ZRANB3: variants seen among roughly 807,000 people sequenced by gnomAD.
ZRANB3 encodes DNA annealing helicase and endonuclease ZRANB3.
ZRANB3 carries 125 observed loss-of-function variants against 133.8 expected under a neutral mutation model. The observed-to-expected ratio is 0.93, with a 90% CI of 0.81 to 1.08. ZRANB3 has a LOEUF of 1.08. Ranked by LOEUF, ZRANB3 falls within the 50% of genes least tolerant of loss-of-function variation. The pLI, the probability that ZRANB3 is intolerant of heterozygous loss-of-function variation, is 0.00. For missense variants in ZRANB3, 1,229 were observed against 1,275.5 expected (o/e 0.96, Z 0.56); for synonymous variants, 387 against 432.7 (o/e 0.89, Z 1.31).
chr2:135,265,020 A>G (rs1451426741), intron 12 of ZRANB3, among the ~76,000 whole-genome samples: 1 of 152,148 alleles, frequency 6.6e-6, no homozygotes, highest in African/African-American at 2.4e-5. Flanking sequence ...AAGTGCTGCA[A>G]TTACAGGTGT....
intron 8 of ZRANB3, among the ~76,000 whole-genome samples, chr2:135,280,274 T>TA (rs139327186): frequency 6.6e-6 from 1 of 152,152 alleles, no homozygotes; most frequent in Non-Finnish European, 1.5e-5. Flanking sequence ...ATATCTTATT[T>TA]AAAAAAATGC....
chr2:135,386,472 C>T (rs2104920050), intron 3 of ZRANB3, among the ~76,000 whole-genome samples: 1 of 152,272 alleles, frequency 6.6e-6, no homozygotes, highest in East Asian at 1.9e-4. Flanking sequence ...TACCATTTGA[C>T]CCAGTGATCC....
chr2:135,398,668 G>A (rs548789768), intron 2 of ZRANB3, among the ~76,000 whole-genome samples: 21 of 151,056 alleles, frequency 1.4e-4, no homozygotes, highest in African/African-American at 4.9e-4. Context: ...ATAGGCGCCC[G>A]CCACCATGCC....
intron 2 of ZRANB3, among the ~76,000 whole-genome samples, chr2:135,455,699 C>A (rs527338720): frequency 1.3e-5 from 2 of 149,054 alleles, no homozygotes; most frequent in African/African-American, 4.9e-5. Flanking sequence ...TCACACCATT[C>A]TCCTGCCTCA....
At chr2:135,507,832 G>A (rs1321284227) in intron 1 of ZRANB3, among the ~76,000 whole-genome samples, 1 of 152,062 alleles carries the variant, frequency 6.6e-6, no homozygotes, top group African/African-American at 2.4e-5. Context: ...GTGCATGCCT[G>A]TAGTCCCAAC....
intron 8 of ZRANB3, among the ~76,000 whole-genome samples, chr2:135,289,131 T>C (rs767594341): frequency 6.6e-6 from 1 of 152,180 alleles, no homozygotes; most frequent in South Asian, 2.1e-4. Context: ...TGTGTCACTA[T>C]TATCATTCAG....
At chr2:135,495,087 G>A (rs1692603653) in intron 2 of ZRANB3, among the ~76,000 whole-genome samples, 1 of 152,016 alleles carries the variant, frequency 6.6e-6, no homozygotes, top group Admixed American at 6.6e-5. Context: ...AATACACTGG[G>A]CACAGTGGTG....
At chr2:135,344,863 A>G (rs1412814129) in intron 6 of ZRANB3, among the ~76,000 whole-genome samples, 2 of 152,232 alleles carry the variant, frequency 1.3e-5, no homozygotes, top group South Asian at 2.1e-4. Flanking sequence ...AAATTGTGCT[A>G]TATATGTTGA....
At chr2:135,334,268 C>T (rs1222059944) in intron 6 of ZRANB3, among the ~76,000 whole-genome samples, 1 of 152,172 alleles carries the variant, frequency 6.6e-6, no homozygotes, top group Admixed American at 6.5e-5. Context: ...GGAGTAGAAG[C>T]ACCCCTTACT....
At chr2:135,386,573 C>T (rs1574016611) in intron 3 of ZRANB3, among the ~76,000 whole-genome samples, 1 of 152,126 alleles carries the variant, frequency 6.6e-6, no homozygotes, top group Non-Finnish European at 1.5e-5. Flanking sequence ...TTCACAATAG[C>T]AAAGACTTGG....
chr2:135,420,113 ATATATATATAT>A (rs764761672), intron 2 of ZRANB3, among the ~76,000 whole-genome samples: 8,313 of 142,508 alleles, frequency 0.058, 541 homozygotes, highest in African/African-American at 0.15. Context: ...ATATATATAT[ATATATATATAT>A]AACTTATAGA....
intron 3 of ZRANB3, among the ~76,000 whole-genome samples, chr2:135,364,064 AGGAAGGAG>A (rs1467615149): frequency 1.3e-5 from 2 of 151,484 alleles, no homozygotes; most frequent in South Asian, 4.2e-4. Flanking sequence ...AAAGAAATGA[AGGAAGGAG>A]GGAAGGAGGG....
At chr2:135,257,449 A>C (rs1377588999) in intron 12 of ZRANB3, among the ~76,000 whole-genome samples, 2 of 152,142 alleles carry the variant, frequency 1.3e-5, no homozygotes, top group African/African-American at 4.8e-5. Context: ...ATTCTCTTGG[A>C]TGTACGATTG....
intron 3 of ZRANB3, among the ~76,000 whole-genome samples, chr2:135,367,020 C>T (rs1685970596): frequency 6.6e-6 from 1 of 151,982 alleles, no homozygotes; most frequent in South Asian, 2.1e-4. Flanking sequence ...GACTCCATCT[C>T]AAAAAATAAT....
chr2:135,386,418 G>A (rs952723992), intron 3 of ZRANB3, among the ~76,000 whole-genome samples: 1 of 152,198 alleles, frequency 6.6e-6, no homozygotes, highest in African/African-American at 2.4e-5. Flanking sequence ...TTCAACCATT[G>A]TGGAAGACAG....
At chr2:135,486,888 T>C (rs1381379674) in intron 2 of ZRANB3, among the ~76,000 whole-genome samples, 1 of 152,236 alleles carries the variant, frequency 6.6e-6, no homozygotes, top group Non-Finnish European at 1.5e-5. Flanking sequence ...TCCTATTGAT[T>C]TGACATTTTA....
intron 12 of ZRANB3, among the ~76,000 whole-genome samples, chr2:135,233,766 C>T (rs938404421): frequency 6.6e-6 from 1 of 152,138 alleles, no homozygotes; most frequent in African/African-American, 2.4e-5. Context: ...CACCACCAGA[C>T]CTGCCCTAAA....
intron 6 of ZRANB3, among the ~76,000 whole-genome samples, chr2:135,334,935 A>T (rs192598933): frequency 1.2e-4 from 19 of 152,188 alleles, no homozygotes; most frequent in Admixed American, 1.2e-3. Flanking sequence ...AAAATAATTT[A>T]ATTTAATTTT....
At chr2:135,524,231 A>G (rs948684425) in intron 1 of ZRANB3, among the ~76,000 whole-genome samples, 1 of 152,058 alleles carries the variant, frequency 6.6e-6, no homozygotes, top group African/African-American at 2.4e-5. Context: ...ACAGGCATGC[A>G]CCACCACAGC....
Sources: allele counts gnomAD v4.1 joint callset (sites outside exome capture counted in the v4.1 genomes callset), GRCh38; gene constraint gnomAD v4.1.1; transcripts MANE v1.5; gene names NCBI Gene and HGNC (gene_info 2026-07-23, HGNC 2026-07-21).